Variants in LRRC7 observed in about 807,000 individuals in gnomAD.
LRRC7 encodes leucine-rich repeat-containing protein 7.
LRRC7 carries 23 observed loss-of-function variants against 175.7 expected under a neutral mutation model. The observed-to-expected ratio is 0.13, with a 90% CI of 0.09 to 0.19. The LOEUF (loss-of-function observed/expected upper bound fraction) is 0.19. LRRC7 is among the 10% of genes least tolerant of loss of function. The pLI, the probability that LRRC7 is intolerant of heterozygous loss-of-function variation, is 1.00. For missense variants in LRRC7, 1,354 were observed against 1,904.7 expected (o/e 0.71, Z 5.38); for synonymous variants, 685 against 680.9 (o/e 1.01, Z -0.09).
At chr1:69,573,255 T>A (rs945534421) in intron 1 of LRRC7, among the ~76,000 whole-genome samples, 1 of 152,184 alleles carries the variant, frequency 6.6e-6, no homozygotes, top group Admixed American at 6.5e-5. Flanking sequence ...TTGGCCCCTG[T>A]TCATTTTTCC....
At chr1:70,113,772 T>G (rs2102227549) in intron 26 of LRRC7, among the ~76,000 whole-genome samples, 1 of 152,222 alleles carries the variant, frequency 6.6e-6, no homozygotes, top group East Asian at 1.9e-4. Flanking sequence ...TGAAATCACT[T>G]CATACTCTAT....
intron 7 of LRRC7, among the ~76,000 whole-genome samples, chr1:69,924,641 A>G (rs1368951169): frequency 2.0e-5 from 3 of 152,188 alleles, no homozygotes; most frequent in South Asian, 4.1e-4. Flanking sequence ...ATTTTTGTAC[A>G]TTGATTTTAT....
chr1:70,114,249 G>T (rs1665705603), intron 26 of LRRC7, among the ~76,000 whole-genome samples: 1 of 152,154 alleles, frequency 6.6e-6, no homozygotes, highest in South Asian at 2.1e-4. Context: ...GAGGGTGGGG[G>T]ACTATGGAGG....
At chr1:69,725,743 G>A (rs182820004) in intron 2 of LRRC7, among the ~76,000 whole-genome samples, 3 of 152,284 alleles carry the variant, frequency 2.0e-5, no homozygotes, top group Non-Finnish European at 4.4e-5. Flanking sequence ...TGTCTCTCAA[G>A]GCCATGATGG....
intron 18 of LRRC7, among the ~76,000 whole-genome samples, chr1:70,030,068 A>T (rs1478122720): frequency 8.5e-6 from 1 of 117,678 alleles, no homozygotes; most frequent in Non-Finnish European, 1.9e-5. Context: ...AAGCCTGTGC[A>T]TTCTCACCTA....
rs1292525611 is a variant in LRRC7, at chr1:69,584,972, G to A, written c.2+16331G>A. Among the ~76,000 whole-genome samples, 5 of 152,192 alleles carry A rather than the reference G, an allele frequency of 3.3e-5. No homozygotes were observed. In the East Asian group the frequency reaches 7.7e-4, roughly 24 times the overall value. On this transcript the variant is annotated intron_variant, in intron 1 of 26. Transcript: ENST00000651989. ...TTCAACTCAGTGATCACTTCCTAGA[G>A]GAAGCCTCTACTATCATCTTCTCTT...
intron 1 of LRRC7, among the ~76,000 whole-genome samples, chr1:69,659,327 TACAA>T (rs1479638880): frequency 5.3e-5 from 8 of 151,158 alleles, no homozygotes; most frequent in Non-Finnish European, 1.0e-4. Context: ...AGGCTTAAGC[TACAA>T]ACAGAGTTAT....
At chr1:70,117,088 A>G (rs1665911217) in intron 26 of LRRC7, among the ~76,000 whole-genome samples, 1 of 152,222 alleles carries the variant, frequency 6.6e-6, no homozygotes, top group African/African-American at 2.4e-5. Flanking sequence ...GGTCCTTTAA[A>G]AAGGATTATC....
chr1:70,086,695 C>T (rs544184729), intron 24 of LRRC7, among the ~76,000 whole-genome samples: 14 of 152,070 alleles, frequency 9.2e-5, no homozygotes, highest in Non-Finnish European at 1.3e-4. Context: ...GCCAAAATTA[C>T]GCCACTGCAC....
At chr1:69,694,184 C>T (rs186795626) in intron 2 of LRRC7, among the ~76,000 whole-genome samples, 7 of 152,290 alleles carry the variant, frequency 4.6e-5, no homozygotes, top group Admixed American at 4.6e-4. Context: ...TCCCCTAATT[C>T]CTGAGATTTC....
Position 69,740,635 on chromosome 1 carries a change from G to A in LRRC7, c.101-19556G>A, listed in dbSNP as rs75211194. 2.0e-3 allele frequency among the ~76,000 whole-genome samples: 304 copies of A among 152,146 alleles called. 1 individual carries two copies. Among genetic ancestry groups the A allele is most frequent in the African/African-American group, 6.8e-3 (282 of 41,534 alleles). ...ACAACTGGGTTGATTACAGCTCTGCGTTTGCCTTATTCGAACAGGGTTCGA... is the reference window on the plus strand; with the variant it reads ...ACAACTGGGTTGATTACAGCTCTGCATTTGCCTTATTCGAACAGGGTTCGA... On this transcript the variant is annotated intron_variant, in intron 2 of 26. Coordinates refer to ENST00000651989, the MANE Select transcript of LRRC7 (RefSeq NM_001370785.2).
At chr1:69,953,602 C>T (rs1650177027) in intron 8 of LRRC7, among the ~76,000 whole-genome samples, 1 of 152,034 alleles carries the variant, frequency 6.6e-6, no homozygotes, top group South Asian at 2.1e-4. Flanking sequence ...TTTCCATTTC[C>T]TGTTTTCCCT....
intron 10 of LRRC7, among the ~76,000 whole-genome samples, chr1:69,993,097 T>C (rs1295666169): frequency 6.6e-6 from 1 of 152,184 alleles, no homozygotes; most frequent in African/African-American, 2.4e-5. Context: ...GCTCAGGTGC[T>C]CTTTTATATT....
At chr1:70,079,292 A>G (rs571916049) in intron 24 of LRRC7, among the ~76,000 whole-genome samples, 7 of 152,356 alleles carry the variant, frequency 4.6e-5, no homozygotes, top group Admixed American at 2.0e-4. Context: ...ATATAAATCA[A>G]AACAGTCTAT....
intron 8 of LRRC7, among the ~76,000 whole-genome samples, chr1:69,964,380 G>A (rs752468837): frequency 3.6e-4 from 55 of 152,104 alleles, no homozygotes; most frequent in African/African-American, 1.7e-4. Flanking sequence ...ACAAGTAAGC[G>A]ACAAAGCCTG....
chr1:69,903,512 C>A (rs956857826), intron 7 of LRRC7, among the ~76,000 whole-genome samples: 6 of 152,054 alleles, frequency 3.9e-5, no homozygotes, highest in Admixed American at 6.6e-5. Flanking sequence ...GGTGCCTATA[C>A]CACATGGGCC....
intron 7 of LRRC7, among the ~76,000 whole-genome samples, chr1:69,901,518 A>G (rs1291788005): frequency 1.3e-5 from 2 of 152,134 alleles, no homozygotes; most frequent in African/African-American, 4.8e-5. Flanking sequence ...ATTCCTAAGA[A>G]TGAAACCCTG....
chr1:69,886,503 A>G lies in LRRC7; in HGVS notation c.648-45004A>G, dbSNP rs568147677. 3.3e-3 allele frequency among the ~76,000 whole-genome samples: 495 copies of G among 152,130 alleles called. 1 individual carries two copies. Among genetic ancestry groups the G allele is most frequent in the African/African-American group, 0.011 (447 of 41,462 alleles). On this transcript the variant is annotated intron_variant, in intron 7 of 26. Coordinates refer to ENST00000651989, the MANE Select transcript of LRRC7 (RefSeq NM_001370785.2). ...TCCTCCATCCTTTTATTTTGAGCTT[A>G]TGTGTGTCTCTGCACGTGAGATGGG...
intron 4 of LRRC7, among the ~76,000 whole-genome samples, chr1:69,819,948 A>T (rs1679077161): frequency 6.6e-6 from 1 of 152,064 alleles, no homozygotes; most frequent in Non-Finnish European, 1.5e-5. Flanking sequence ...TGTTTCAAGC[A>T]CGTGTAGTTG....
Sources: allele counts gnomAD v4.1 joint callset (sites outside exome capture counted in the v4.1 genomes callset), GRCh38; gene constraint gnomAD v4.1.1; transcripts MANE v1.5; gene names NCBI Gene and HGNC (gene_info 2026-07-23, HGNC 2026-07-21).